Variants in TPD52 observed in about 807,000 individuals in gnomAD.
TPD52 encodes tumor protein D52, also known as prostate and colon associated protein.
A neutral mutation model predicts 31.3 loss-of-function variants in TPD52; 17 were observed. The ratio of observed to expected loss-of-function variants is 0.54; its 90% confidence interval spans 0.37 to 0.82. The LOEUF (loss-of-function observed/expected upper bound fraction) is 0.82, where lower values mean the gene tolerates loss of function less well. Ranked by LOEUF, TPD52 falls within the 40% of genes least tolerant of loss-of-function variation. The pLI, the probability that TPD52 is intolerant of heterozygous loss-of-function variation, is 0.00. For missense variants in TPD52, 212 were observed against 240.1 expected, an observed-to-expected ratio of 0.88 and a Z score of 0.77; for synonymous variants, 83 against 89.6, an observed-to-expected ratio of 0.93 and a Z score of 0.42.
chr8:80,064,712 C>T (rs1267716585), intron 1 of TPD52, 119 bp from the exon 2 acceptor site: 1 of 755,192 alleles, frequency 1.3e-6, no homozygotes, highest in Non-Finnish European at 2.4e-6. Context: ...CATCTCATCT[C>T]TGGATATTCA....
chr8:80,099,793 A>G (rs34506156), intron 1 of TPD52, among the ~76,000 whole-genome samples: 55,394 of 152,086 alleles, frequency 0.36, 11,469 homozygotes, highest in East Asian at 0.72. Context: ...TTACAGGCGT[A>G]AGCCAGCGCG....
chr8:80,145,578 T>G (rs965461102), intron 1 of TPD52, among the ~76,000 whole-genome samples: 7 of 152,208 alleles, frequency 4.6e-5, no homozygotes, highest in Non-Finnish European at 8.8e-5. Context: ...TTTTCTTCTT[T>G]CAGGAGTACT....
At chr8:80,052,031 T>C (rs542625341) in intron 3 of TPD52, among the ~76,000 whole-genome samples, 2 of 152,356 alleles carry the variant, frequency 1.3e-5, no homozygotes, top group East Asian at 1.9e-4. Flanking sequence ...CTTTGTCAAC[T>C]TGATTTCCTA....
intron 1 of TPD52, among the ~76,000 whole-genome samples, chr8:80,152,370 C>T (rs1218398626): frequency 6.6e-6 from 1 of 152,174 alleles, no homozygotes; most frequent in Non-Finnish European, 1.5e-5. Flanking sequence ...GTGTGAAATG[C>T]TGTGATGAAA....
At chr8:80,164,024 C>CAGAGAGAGAGAGAG (rs58566558) in intron 1 of TPD52, among the ~76,000 whole-genome samples, 1 of 110,224 alleles carries the variant, frequency 9.1e-6, no homozygotes. Flanking sequence ...GAGAGAGAGA[C>CAGAGAGAGAGAGAG]AGAGAGAGAG....
At chr8:80,113,150 G>A (rs1041782117) in intron 1 of TPD52, among the ~76,000 whole-genome samples, 10 of 152,018 alleles carry the variant, frequency 6.6e-5, no homozygotes, top group Non-Finnish European at 7.4e-5. Context: ...TGCTCAACCT[G>A]CAGCAGGTTC....
intron 1 of TPD52, chr8:80,066,912 AT>A (rs1275309155): frequency 2.6e-5 from 4 of 152,194 alleles, no homozygotes; most frequent in Non-Finnish European, 5.9e-5. Context: ...ACGTTATTTT[AT>A]TTTTAATGTT....
intron 2 of TPD52, among the ~76,000 whole-genome samples, chr8:80,059,287 T>G (rs1812240329): frequency 6.6e-6 from 1 of 151,900 alleles, no homozygotes; most frequent in Non-Finnish European, 1.5e-5. Flanking sequence ...TATTAAAACT[T>G]TTGGGATGCA....
intron 1 of TPD52, among the ~76,000 whole-genome samples, chr8:80,121,210 ACT>A: frequency 6.6e-6 from 1 of 152,238 alleles, no homozygotes. Context: ...AAAAGTCAAC[ACT>A]CTAACATTTT....
intron 1 of TPD52, among the ~76,000 whole-genome samples, chr8:80,108,345 T>A (rs1161216491): frequency 1.3e-5 from 2 of 152,342 alleles, no homozygotes; most frequent in African/African-American, 2.4e-5. Flanking sequence ...TTTGAAATTA[T>A]GTTTTATAAA....
intron 1 of TPD52, among the ~76,000 whole-genome samples, chr8:80,123,370 T>C (rs951472643): frequency 6.6e-6 from 1 of 151,846 alleles, no homozygotes; most frequent in African/African-American, 2.4e-5. Flanking sequence ...AAGGGAAAAA[T>C]GACTCTCAAG....
At chr8:80,139,016 G>A (rs1186334373) in intron 1 of TPD52, among the ~76,000 whole-genome samples, 9 of 152,114 alleles carry the variant, frequency 5.9e-5, no homozygotes, top group African/African-American at 7.2e-5. Context: ...AGGAGCCACC[G>A]TCTCAGCCAC....
At chr8:80,091,770 G>A (rs1232727122) in intron 1 of TPD52, among the ~76,000 whole-genome samples, 1 of 152,174 alleles carries the variant, frequency 6.6e-6, no homozygotes, top group African/African-American at 2.4e-5. Context: ...GAGCCACCAG[G>A]GGAGCCTGTG....
chr8:80,126,489 T>TG lies in TPD52; in HGVS notation c.19+44935_19+44936insC, dbSNP rs1336751646. Among the ~76,000 whole-genome samples, 382 of 149,078 alleles carry TG rather than the reference T, an allele frequency of 2.6e-3. 3 individuals carry two copies. The highest frequency in any genetic ancestry group is 9.2e-3 in the African/African-American group (368 of 40,160). ...AGATAAAAGTTTATAATTTTTTTTT[T>TG]TTTTTTTTTTGAGACAGGGTCTCAC... On this transcript the variant is annotated intron_variant, in intron 1 of 7. Transcript: ENST00000518937.
intron 1 of TPD52, among the ~76,000 whole-genome samples, chr8:80,124,258 C>T (rs958114905): frequency 6.6e-6 from 1 of 151,994 alleles, no homozygotes; most frequent in Non-Finnish European, 1.5e-5. Flanking sequence ...CTCGACCTCC[C>T]GGGCTCAAGT....
At chr8:80,077,104 GTC>G (rs1586242775) in intron 1 of TPD52, among the ~76,000 whole-genome samples, 1 of 151,972 alleles carries the variant, frequency 6.6e-6, no homozygotes, top group African/African-American at 2.4e-5. Context: ...GTGAAACCCC[GTC>G]TCTACTAAAA....
At chr8:80,032,618 T>A (rs7007896), downstream of TPD52, 31,843 of 152,254 alleles carry the variant, frequency 0.21, 8,725 homozygotes, top group African/African-American at 0.64. Flanking sequence ...GCTACTGGCT[T>A]TGGTCTTATC....
chr8:80,068,202 C>T (rs1813378160), intron 1 of TPD52, among the ~76,000 whole-genome samples: 1 of 152,064 alleles, frequency 6.6e-6, no homozygotes, highest in Non-Finnish European at 1.5e-5. Context: ...AAAATAAAAA[C>T]ACCCCATAAC....
intron 1 of TPD52, among the ~76,000 whole-genome samples, chr8:80,108,141 C>A (rs1344480756): frequency 1.3e-5 from 2 of 152,154 alleles, no homozygotes; most frequent in Non-Finnish European, 2.9e-5. Flanking sequence ...CCCCTCCCTG[C>A]ATTTGTTATT....
Sources: allele counts gnomAD v4.1 joint callset (sites outside exome capture counted in the v4.1 genomes callset), GRCh38; gene constraint gnomAD v4.1.1; transcripts MANE v1.5; gene names NCBI Gene and HGNC (gene_info 2026-07-23, HGNC 2026-07-21).